The following TMPRSS13 variants were observed in gnomAD, a reference collection of about 807,000 sequenced individuals.
TMPRSS13 encodes the protein transmembrane protease serine 13.
In TMPRSS13, 50 loss-of-function variants were observed where a neutral mutation model predicts 68.4. The observed-to-expected ratio is 0.73, with a 90% CI of 0.58 to 0.93. The LOEUF is 0.93. TMPRSS13 is among the 40% of genes least tolerant of loss of function. The pLI is 0.00. For missense variants in TMPRSS13, 615 were observed against 729.2 expected (o/e 0.84, Z 1.80); for synonymous variants, 267 against 285.8 (o/e 0.93, Z 0.66).
intron 3 of TMPRSS13, among the ~76,000 whole-genome samples, 166 bp downstream of exon 3, chr11:117,917,004 G>A (rs974047151): frequency 9.9e-5 from 15 of 152,160 alleles, no homozygotes; most frequent in African/African-American, 2.2e-4. Flanking sequence ...CAGGGGCCCC[G>A]GGGGCAGCAC....
rs187682298 is a variant in TMPRSS13 at position 117,915,749 on chromosome 11, G to A, written c.557-1235C>T. On this transcript the variant is annotated intron_variant, in intron 3 of 12. Coordinates refer to ENST00000524993, the MANE Select transcript of TMPRSS13 (RefSeq NM_001077263.3). The surrounding 1 kb of genome is among the most constrained non-coding windows in gnomAD (Gnocchi z 4.9). ...ACTTCAGGAAATGCTGTGAAACCAC[G>A]CTGAGAGCTTTAGTTCTATTCTGTG... Among the ~76,000 whole-genome samples, 8 of 152,318 alleles carry A rather than the reference G, an allele frequency of 5.3e-5. No homozygotes were observed. In the East Asian group the frequency reaches 1.5e-3, roughly 29 times the overall value.
intron 2 of TMPRSS13, among the ~76,000 whole-genome samples, chr11:117,917,845 C>T (rs189166788): frequency 1.8e-4 from 28 of 152,284 alleles, no homozygotes; most frequent in East Asian, 1.2e-3. Context: ...AGGGCAGCAT[C>T]GGAGTGGGCA....
chr11:117,903,545 T>C, intron 12 of TMPRSS13, 110 bp downstream of exon 12: 2 of 1,577,562 alleles, frequency 1.3e-6, no homozygotes, highest in South Asian at 2.3e-5. Flanking sequence ...ACCCCCCGAA[T>C]ATGGGGACGC....
At chr11:117,917,047 TG>T in intron 3 of TMPRSS13, 122 bp downstream of exon 3, 1 of 814,670 alleles carries the variant, frequency 1.2e-6, no homozygotes, top group Non-Finnish European at 2.0e-6. Context: ...TGTCCCTCTC[TG>T]GACACAGTAG....
rs749423454 is a variant in TMPRSS13, at chr11:117,911,831, CT to C, written c.838del (p.Arg280GlyfsTer10). On this transcript the variant is annotated frameshift_variant, in exon 6 of 13. Coordinates refer to ENST00000524993, the MANE Select transcript of TMPRSS13 (RefSeq NM_001077263.3). LOFTEE classifies it high-confidence loss of function. The stretch of plus-strand genomic sequence containing the variant: ...GATTGAGAAGCTGTTGGCAAAATCC[CT>C]GTGGGCAACCTCGGTTGTCCGGTGA... ...SAHRTTEVAH[R>X]DFANSFSILR... is the part of the protein sequence containing the mutation. The C allele has an allele frequency of 3.7e-6, 6 of 1,614,124 alleles. No individual in the cohort carries two copies. The South Asian group carries it at 5.5e-5, about 15-fold the overall frequency.
chr11:117,929,136 T>C (rs1591635238), intron 1 of TMPRSS13, 151 bp downstream of exon 1: 1 of 581,496 alleles, frequency 1.7e-6, no homozygotes, highest in Non-Finnish European at 2.9e-6. Context: ...GACCAAGAGA[T>C]CTTGATCGTA....
chr11:117,923,698 C>T (rs12270562), intron 1 of TMPRSS13, among the ~76,000 whole-genome samples: 12,866 of 151,702 alleles, frequency 0.085, 1,724 homozygotes, highest in African/African-American at 0.29. Flanking sequence ...AGTGGGGAGA[C>T]GGGGGAGGGA....
chr11:117,926,799 T>C (rs1017556835), intron 1 of TMPRSS13, among the ~76,000 whole-genome samples: 1 of 152,156 alleles, frequency 6.6e-6, no homozygotes, highest in African/African-American at 2.4e-5. Flanking sequence ...AAGATGTTTG[T>C]CCAAATTTAT....
At position 117,904,069 on chromosome 11, in the gene TMPRSS13, C is replaced by T. The variant is rs909383715; in HGVS notation, c.1414G>A (p.Val472Ile). 6.2e-7 allele frequency: 1 copy of T among 1,614,082 alleles called. No homozygotes were observed. The highest frequency in any genetic ancestry group is 8.5e-7 in the Non-Finnish European group (1 of 1,179,982). The change falls in exon 11 of 13, where the codon GTC (valine) becomes ATC (isoleucine). Residue 472 changes from valine (V) to isoleucine (I), a missense_variant. Val to Ile is a conservative substitution (Grantham distance 29, BLOSUM62 3). Coordinates refer to ENST00000524993, the MANE Select transcript of TMPRSS13 (RefSeq NM_001077263.3). ...CATTTCTTGAAGTCGATGAGATTGA[C>T]CTGCACCTCCCGGAGGAAGGGGGAT... ...KTSPFLREVQ[V>I]NLIDFKKCND...
intron 7 of TMPRSS13, among the ~76,000 whole-genome samples, chr11:117,910,200 G>A (rs751200774): frequency 6.6e-6 from 1 of 152,120 alleles, no homozygotes; most frequent in Non-Finnish European, 1.5e-5. Context: ...GGATCATTCC[G>A]CGGAAAGTTT....
intron 10 of TMPRSS13, 53 bp from the exon 11 acceptor site, chr11:117,904,154 A>G: frequency 1.3e-6 from 2 of 1,590,734 alleles, no homozygotes; most frequent in Non-Finnish European, 1.7e-6. Context: ...GTGAGATTCT[A>G]GATAGCTTCC....
At chr11:117,911,959 C>G (rs2057527782) in intron 5 of TMPRSS13, 99 bp from the exon 6 acceptor site, 1 of 942,028 alleles carries the variant, frequency 1.1e-6, no homozygotes, top group African/African-American at 1.6e-5. Flanking sequence ...CCGACAGAGG[C>G]CAGACTGTGA....
At chr11:117,916,091 GC>G in intron 3 of TMPRSS13, among the ~76,000 whole-genome samples, 1 of 152,290 alleles carries the variant, frequency 6.6e-6, no homozygotes, top group East Asian at 1.9e-4. Context: ...AGCCCTGCCA[GC>G]AGACGTTTCC....
chr11:117,913,507 C>T (rs930543460), intron 5 of TMPRSS13, among the ~76,000 whole-genome samples: 11 of 152,128 alleles, frequency 7.2e-5, no homozygotes, highest in Admixed American at 3.9e-4. Flanking sequence ...TGGATGTGAG[C>T]GTGCTTTGAT....
In TMPRSS13 at chr11:117,915,597, G is replaced by A. The variant is rs1250146457; in HGVS notation, c.557-1083C>T. Among the ~76,000 whole-genome samples, 1 of 152,186 alleles carries A rather than the reference G, an allele frequency of 6.6e-6. No homozygotes were observed. Among genetic ancestry groups the A allele is most frequent in the Non-Finnish European group, 1.5e-5 (1 of 68,028 alleles). On this transcript the variant is annotated intron_variant, in intron 3 of 12. Coordinates refer to ENST00000524993, the MANE Select transcript of TMPRSS13 (RefSeq NM_001077263.3). This position sits in a 1 kb window ranked among gnomAD's most constrained non-coding sequence, Gnocchi z 4.9. ...TGTGTAGTGGAGAGGGTACTGGGCC[G>A]GGTTGGGAGTCAGGAGGCCTGGGCT...
chr11:117,903,873 T>C (rs151025030), intron 11 of TMPRSS13, 66 bp from the exon 12 acceptor site: 2 of 1,594,852 alleles, frequency 1.3e-6, no homozygotes, highest in East Asian at 2.3e-5. Flanking sequence ...AAGGGTGGGG[T>C]CCCAATTCCC....
chr11:117,917,310 G>A, intron 2 of TMPRSS13, 36 bp from the exon 3 acceptor site: 1 of 1,554,704 alleles, frequency 6.4e-7, no homozygotes. Flanking sequence ...ATATGAGGCT[G>A]GAGAGGAGTC....
In TMPRSS13 at chr11:117,902,075, CACA is replaced by C; in HGVS notation, c.*161_*163del. 1 of 245,876 alleles carries C rather than the reference CACA, an allele frequency of 4.1e-6. No individual in the cohort carries two copies. Among genetic ancestry groups the C allele is most frequent in the Non-Finnish European group, 7.5e-6 (1 of 133,434 alleles). The allele number at this position is 245,876 out of a possible 1,614,324, so 15.2% of individuals were successfully genotyped here. A position where few individuals can be genotyped will look rare whatever the true frequency, so the allele number is the denominator to read the frequency against. On this transcript the variant is annotated 3_prime_UTR_variant, in exon 13 of 13. Transcript: ENST00000524993. ...GAGAGTGGCAATGCACACATATGCA[CACA>C]CACACACACACACACACACACACAC...
At position 117,904,088 on chromosome 11, in the gene TMPRSS13, G is replaced by A. The variant is rs756182766; in HGVS notation, c.1395C>T (p.Pro465=). ...GATTGACCTGCACCTCCCGGAGGAA[G>A]GGGGATGTCTTGTCTTCAGTGAAGT... is the stretch of plus-strand genomic sequence containing the variant. ...KTRETDDKTS[P]FLREVQVNLI... is the part of the protein sequence containing the mutation. The change falls in exon 11 of 13, where the codon CCC becomes CCT. Residue 465 remains proline (P), a synonymous_variant. Coordinates refer to ENST00000524993, the MANE Select transcript of TMPRSS13 (RefSeq NM_001077263.3). The A allele has an allele frequency of 6.2e-7, 1 of 1,614,030 alleles. No homozygotes were observed. The highest frequency in any genetic ancestry group is 1.7e-5 in the Admixed American group (1 of 60,006).
Sources: gnomAD v4.1 joint callset for allele counts (sites outside exome capture counted in the v4.1 genomes callset) on GRCh38, gnomAD v4.1.1 for gene constraint, Gnocchi (gnomAD v3.1) non-coding constraint, MANE v1.5 for transcripts, NCBI Gene and HGNC (gene_info 2026-07-23, HGNC 2026-07-21) for gene names.